KIF1B: variants seen among roughly 807,000 people sequenced by gnomAD.
KIF1B encodes kinesin family member 1B, also known as kinesin-like protein KIF1B.
Under a neutral mutation model 241.9 loss-of-function variants are expected in KIF1B, and 76 were observed. The observed-to-expected ratio is 0.31, with a 90% CI of 0.26 to 0.38. KIF1B has a LOEUF of 0.38. Ranked by LOEUF, KIF1B falls within the 10% of genes least tolerant of loss-of-function variation. KIF1B has a pLI of 1.00. For missense variants in KIF1B, 1,622 were observed against 2,271.4 expected (o/e 0.71, Z 5.81); for synonymous variants, 750 against 796.7 (o/e 0.94, Z 0.99).
chr1:10,271,657 A>C, intron 8 of KIF1B, 78 bp downstream of exon 8: 5 of 943,620 alleles, frequency 5.3e-6, no homozygotes, highest in Non-Finnish European at 8.7e-6. Flanking sequence ...TTATTGAAAC[A>C]CAGCTACATA....
chr1:10,363,612 G>A (rs1471836217), intron 41 of KIF1B, among the ~76,000 whole-genome samples: 1 of 152,120 alleles, frequency 6.6e-6, no homozygotes, highest in Non-Finnish European at 1.5e-5. Context: ...AGAATTGCTT[G>A]AACCTGGGAG....
chr1:10,234,558 G>A (rs953576190), intron 2 of KIF1B, among the ~76,000 whole-genome samples: 3 of 150,826 alleles, frequency 2.0e-5, no homozygotes, highest in African/African-American at 7.3e-5. Context: ...GTCTCTCTCT[G>A]TCACGCAGGC....
chr1:10,372,637 C>T (rs745563743), intron 45 of KIF1B, among the ~76,000 whole-genome samples: 6 of 127,532 alleles, frequency 4.7e-5, no homozygotes, highest in Admixed American at 7.6e-5. Context: ...GAGATTGCGC[C>T]GCTGCGCGCC....
intron 2 of KIF1B, among the ~76,000 whole-genome samples, chr1:10,235,143 G>A (rs972073098): frequency 5.9e-5 from 9 of 152,084 alleles, no homozygotes; most frequent in Non-Finnish European, 1.2e-4. Context: ...GCCTGCCTCA[G>A]CCTCCCAAAG....
chr1:10,374,405 C>G lies in KIF1B; in HGVS notation c.5036C>G (p.Ala1679Gly), dbSNP rs776751303. ...IVPAVETPYL[A>G]RAGKNEFLNL... ...CCAGCTGTGGAAACACCATATTTGG[C>G]CCGAGCAGGAAAAAACGAATTTCTC... is the stretch of plus-strand genomic sequence containing the variant. The change falls in exon 46 of 49, where the codon GCC (alanine) becomes GGC (glycine). Residue 1679 changes from alanine (A) to glycine (G), a missense_variant. Ala to Gly is a moderately conservative substitution (Grantham distance 60). This residue lies in a region of KIF1B where 357 missense variants were observed against 409.0 expected (regional missense o/e 0.87). Coordinates refer to ENST00000676179, the MANE Select transcript of KIF1B (RefSeq NM_001365951.3). This position sits in a 1 kb window ranked among gnomAD's most constrained non-coding sequence, Gnocchi z 4.3. 24 of 1,614,020 alleles carry G rather than the reference C, an allele frequency of 1.5e-5. No homozygotes were observed. The highest frequency in any genetic ancestry group is 6.7e-5 in the African/African-American group (5 of 74,906).
At chr1:10,308,355 T>G in intron 22 of KIF1B, 2 of 1,052,906 alleles carry the variant, frequency 1.9e-6, no homozygotes, top group Non-Finnish European at 2.3e-6. Flanking sequence ...CTAGATATTC[T>G]TAGCTTGAAC....
At chr1:10,323,741 G>A in intron 24 of KIF1B, 143 bp from the exon 25 acceptor site, 2 of 672,858 alleles carry the variant, frequency 3.0e-6, no homozygotes, top group Non-Finnish European at 5.3e-6. Context: ...CTAACAGGTG[G>A]CCATATTTTT....
Position 10,335,633 on chromosome 1 carries a change from G to T in KIF1B, c.3043+995G>T, listed in dbSNP as rs374430851. On this transcript the variant is annotated intron_variant, in intron 28 of 48. Coordinates refer to ENST00000676179, the MANE Select transcript of KIF1B (RefSeq NM_001365951.3). The stretch of plus-strand genomic sequence containing the variant: ...TGTCTTGCTTAGTTGTTGTTTTTTT[G>T]TTTGTTTGTTTTTTTCTCAGAGTAC... Among the ~76,000 whole-genome samples, 1,159 of 150,920 alleles carry T rather than the reference G, an allele frequency of 7.7e-3. 15 individuals are homozygous for T. Among genetic ancestry groups the T allele is most frequent in the African/African-American group, 0.026 (1,083 of 40,962 alleles).
intron 5 of KIF1B, among the ~76,000 whole-genome samples, 163 bp downstream of exon 5, chr1:10,262,133 T>C (rs1366246198): frequency 6.6e-6 from 1 of 152,188 alleles, no homozygotes; most frequent in Non-Finnish European, 1.5e-5. Flanking sequence ...AATAGTGTCC[T>C]GCTTTAATCT....
Position 10,378,189 on chromosome 1 carries a change from A to G in KIF1B, c.*1602A>G. ...CCGTGACCACTACTCCAAACAAAAC[A>G]CAATATGCCTAGGGGCACGGATGAA... On this transcript the variant is annotated 3_prime_UTR_variant, in exon 49 of 49. Coordinates refer to ENST00000676179, the MANE Select transcript of KIF1B (RefSeq NM_001365951.3). The G allele has an allele frequency of 4.8e-6, 3 of 627,970 alleles. No homozygotes were observed. Among genetic ancestry groups the G allele is most frequent in the Non-Finnish European group, 8.6e-6 (3 of 350,396 alleles). 38.9% of individuals were successfully genotyped at this position (627,970 alleles called of 1,614,324 possible). A position where few individuals can be genotyped will look rare whatever the true frequency, so the allele number is the denominator to read the frequency against.
At chr1:10,291,224 T>G in intron 16 of KIF1B, 63 bp downstream of exon 16, 2 of 1,112,324 alleles carry the variant, frequency 1.8e-6, no homozygotes, top group Non-Finnish European at 2.7e-6. Context: ...TACTTTATCG[T>G]AAGAAAAGAT....
intron 22 of KIF1B, chr1:10,304,529 C>T: frequency 5.0e-6 from 8 of 1,613,996 alleles, no homozygotes; most frequent in Non-Finnish European, 6.8e-6. Context: ...AATGCAGCCA[C>T]TTCCTATCAG....
intron 2 of KIF1B, among the ~76,000 whole-genome samples, chr1:10,232,738 T>C (rs1646998896): frequency 6.6e-6 from 1 of 152,180 alleles, no homozygotes; most frequent in Non-Finnish European, 1.5e-5. Context: ...TTTTGCCAAG[T>C]CCTAATGTGA....
chr1:10,289,463 T>C (rs1461125400), intron 15 of KIF1B, among the ~76,000 whole-genome samples: 1 of 152,230 alleles, frequency 6.6e-6, no homozygotes, highest in Non-Finnish European at 1.5e-5. Context: ...GTGAGGCCTG[T>C]CCTGACAACC....
At chr1:10,353,202 T>C (rs1258113994) in intron 38 of KIF1B, among the ~76,000 whole-genome samples, 1 of 152,216 alleles carries the variant, frequency 6.6e-6, no homozygotes, top group Non-Finnish European at 1.5e-5. Flanking sequence ...TCTTTGCTGC[T>C]GCTGACTATA....
intron 1 of KIF1B, among the ~76,000 whole-genome samples, chr1:10,227,516 G>A (rs994979198): frequency 6.6e-6 from 1 of 152,142 alleles, no homozygotes; most frequent in Non-Finnish European, 1.5e-5. Context: ...TCTAAAGCTT[G>A]ATTTTATTCA....
chr1:10,264,546 A>C (rs187731176), intron 5 of KIF1B, among the ~76,000 whole-genome samples: 1 of 152,362 alleles, frequency 6.6e-6, no homozygotes, highest in Admixed American at 6.5e-5. Flanking sequence ...GTACAAATTT[A>C]AGTACACAGC....
At chr1:10,269,742 T>G (rs1195280587) in intron 7 of KIF1B, among the ~76,000 whole-genome samples, 1 of 152,074 alleles carries the variant, frequency 6.6e-6, no homozygotes, top group Admixed American at 6.6e-5. Flanking sequence ...CGCTTGAACC[T>G]GGGAGGCAGA....
intron 2 of KIF1B, among the ~76,000 whole-genome samples, chr1:10,255,965 GT>G (rs397975147): frequency 1.1e-3 from 126 of 116,138 alleles, no homozygotes; most frequent in Middle Eastern, 4.1e-3. Flanking sequence ...AGTTGTTGTT[GT>G]TTTTTTTTTT....
Sources: allele counts gnomAD v4.1 joint callset (sites outside exome capture counted in the v4.1 genomes callset), GRCh38; gene constraint gnomAD v4.1.1; regional missense constraint gnomAD v4.1.1; non-coding constraint Gnocchi (gnomAD v3.1); transcripts MANE v1.5; gene names NCBI Gene and HGNC (gene_info 2026-07-23, HGNC 2026-07-21).